NFKB1: variants seen among roughly 807,000 people sequenced by gnomAD.
NFKB1 encodes the protein nuclear factor kappa B subunit 1.
A neutral mutation model predicts 105.1 loss-of-function variants in NFKB1; 9 were observed. That is an observed-to-expected ratio of 0.09 (90% confidence interval 0.05 to 0.15). The LOEUF is 0.15. NFKB1 is among the 10% of genes least tolerant of loss of function. The pLI is 1.00. For synonymous variants in NFKB1, 440 were observed against 442.2 expected (o/e 1.00, Z 0.06); for missense variants, 830 against 1,203.7 (o/e 0.69, Z 4.59).
chr4:102,613,230 G>T (rs1277865244), intron 22 of NFKB1, among the ~76,000 whole-genome samples, 195 bp from the exon 23 acceptor site: 1 of 152,078 alleles, frequency 6.6e-6, no homozygotes, highest in Non-Finnish European at 1.5e-5. Flanking sequence ...TTTCCTGAGT[G>T]GTCTTTGAGC....
intron 15 of NFKB1, among the ~76,000 whole-genome samples, chr4:102,599,127 A>G (rs552586952): frequency 2.0e-5 from 3 of 152,232 alleles, no homozygotes; most frequent in African/African-American, 7.2e-5. Context: ...GGGTGTGAGG[A>G]TTTGAGGGGG....
At chr4:102,582,113 C>T (rs1340110957) in intron 9 of NFKB1, among the ~76,000 whole-genome samples, 5 of 152,146 alleles carry the variant, frequency 3.3e-5, no homozygotes, top group Admixed American at 6.5e-5. Context: ...TTTATAAACA[C>T]ACTCCATGAC....
chr4:102,529,981 A>T, intron 3 of NFKB1, 67 bp downstream of exon 3: 1 of 1,184,360 alleles, frequency 8.4e-7, no homozygotes, highest in South Asian at 1.3e-5. Flanking sequence ...AGGATTTGTT[A>T]ATAGTCTGTC....
intron 6 of NFKB1, among the ~76,000 whole-genome samples, chr4:102,569,612 C>A (rs914513958): frequency 2.0e-5 from 3 of 152,028 alleles, no homozygotes; most frequent in Non-Finnish European, 4.4e-5. Context: ...GATTCACAAG[C>A]AAGACACTAA....
At chr4:102,578,253 G>A (rs1725028044) in intron 7 of NFKB1, 1 of 152,286 alleles carries the variant, frequency 6.6e-6, no homozygotes, top group African/African-American at 2.4e-5. Context: ...CTCCTTCTTT[G>A]AAATCCCACA....
intron 1 of NFKB1, 43 bp from the exon 2 acceptor site, chr4:102,525,469 A>T (rs370780277): frequency 1.9e-6 from 3 of 1,593,320 alleles, no homozygotes; most frequent in Non-Finnish European, 2.6e-6. Context: ...TTTAAAGTTC[A>T]TTCTAGTGTT....
chr4:102,563,921 A>C (rs374642919), intron 5 of NFKB1, among the ~76,000 whole-genome samples: 3 of 150,904 alleles, frequency 2.0e-5, no homozygotes, highest in African/African-American at 7.3e-5. Flanking sequence ...TCCTGGGTTC[A>C]AGTGATTCTC....
chr4:102,593,659 A>C (rs1200955017), intron 12 of NFKB1, 91 bp downstream of exon 12: 3 of 1,298,272 alleles, frequency 2.3e-6, no homozygotes, highest in Non-Finnish European at 3.1e-6. Flanking sequence ...CTGTGAGTTG[A>C]GTGGCTATGA....
chr4:102,512,636 C>T (rs1004198226), intron 1 of NFKB1, among the ~76,000 whole-genome samples: 1 of 152,232 alleles, frequency 6.6e-6, no homozygotes, highest in Admixed American at 6.5e-5. Flanking sequence ...TGAGCCACCA[C>T]ACCCAGCCAT....
Position 102,596,329 on chromosome 4 carries a change from C to A in NFKB1, c.1492C>A (p.Gln498Lys). The A allele has an allele frequency of 1.2e-6, 2 of 1,603,052 alleles. No individual in the cohort carries two copies. Among genetic ancestry groups the A allele is most frequent in the South Asian group, 2.2e-5 (2 of 89,702 alleles). The change falls in exon 14 of 24, where the codon CAG becomes AAG. Residue 498 changes from glutamine to lysine, a missense_variant. By Grantham distance (53) the Gln-to-Lys change is moderately conservative. Coordinates refer to ENST00000226574, the MANE Select transcript of NFKB1 (RefSeq NM_003998.4). ...AACAAAAGAAGAGAGTGCTGGAGTT[C>A]AGGGTAAGTGAGCACACAAATTACG... ...TGTKEESAGV[Q>K]DNLFLEKAMQ...
intron 5 of NFKB1, among the ~76,000 whole-genome samples, chr4:102,545,991 G>T (rs1373039959): frequency 6.6e-6 from 1 of 152,052 alleles, no homozygotes; most frequent in Admixed American, 6.6e-5. Context: ...AGTGGCTCAC[G>T]CCTATAATCC....
chr4:102,614,689 C>T (rs1464092445), intron 23 of NFKB1, among the ~76,000 whole-genome samples: 1 of 152,128 alleles, frequency 6.6e-6, no homozygotes, highest in Non-Finnish European at 1.5e-5. Flanking sequence ...ACCTTGACCA[C>T]TTGCAGAGTG....
rs372174091 is a variant in NFKB1, at chr4:102,609,158, C to CAAAA, written c.2228-1408_2228-1405dup. On this transcript the variant is annotated intron_variant, in intron 19 of 23. Transcript: ENST00000226574. ...ATAGAATAAGAATAAGACCCTGTCT[C>CAAAA]AAAAAAAAAAAAGAAAAAGAAAGAA... is the stretch of plus-strand genomic sequence containing the variant. 8.2e-5 allele frequency among the ~76,000 whole-genome samples: 8 copies of CAAAA among 97,372 alleles called. No homozygotes were observed. In the East Asian group the frequency reaches 2.1e-3, roughly 26 times the overall value. The allele number at this position is 97,372 out of a possible 152,430, so 63.9% of individuals were successfully genotyped here. A position where few individuals can be genotyped will look rare whatever the true frequency, so the allele number is the denominator to read the frequency against.
intron 5 of NFKB1, among the ~76,000 whole-genome samples, chr4:102,552,874 C>T (rs750658207): frequency 1.2e-4 from 19 of 152,046 alleles, no homozygotes; most frequent in Non-Finnish European, 2.6e-4. Context: ...CTTTTGTTTA[C>T]ATCATAGTAC....
At chr4:102,580,667 C>G (rs1330027471) in intron 9 of NFKB1, 28 bp downstream of exon 9, 3 of 1,569,028 alleles carry the variant, frequency 1.9e-6, no homozygotes, top group South Asian at 1.1e-5. Context: ...TCTCTGATCT[C>G]AAGAGGTGTG....
At chr4:102,605,447 A>G (rs1401887067) in intron 16 of NFKB1, among the ~76,000 whole-genome samples, 1 of 152,150 alleles carries the variant, frequency 6.6e-6, no homozygotes, top group Non-Finnish European at 1.5e-5. Context: ...ATGAAAAGGG[A>G]ATTTTAGGCA....
intron 5 of NFKB1, among the ~76,000 whole-genome samples, chr4:102,565,814 A>G (rs1380878297): frequency 6.6e-6 from 1 of 151,904 alleles, no homozygotes; most frequent in Admixed American, 6.6e-5. Context: ...ATTACTGCGT[A>G]GTTGAGAGAT....
chr4:102,520,386 G>A lies in NFKB1; in HGVS notation c.-7-5126G>A, dbSNP rs142760772. 4.7e-3 allele frequency among the ~76,000 whole-genome samples: 716 copies of A among 152,140 alleles called. 4 individuals are homozygous for A. The highest frequency in any genetic ancestry group is 0.015 in the African/African-American group (640 of 41,480). On this transcript the variant is annotated intron_variant, in intron 1 of 23. Transcript: ENST00000226574. ...CTAACATTTGCTGTGTATTATACTC[G>A]GTGTTAATAAGCTTTGTATGAACTC...
chr4:102,521,234 C>T (rs1000913610), intron 1 of NFKB1, among the ~76,000 whole-genome samples: 11 of 152,164 alleles, frequency 7.2e-5, no homozygotes, highest in African/African-American at 2.4e-4. Flanking sequence ...AAAAGATACT[C>T]TCATTTGAGT....
Sources: allele counts gnomAD v4.1 joint callset (sites outside exome capture counted in the v4.1 genomes callset), GRCh38; gene constraint gnomAD v4.1.1; transcripts MANE v1.5; gene names NCBI Gene and HGNC (gene_info 2026-07-23, HGNC 2026-07-21).